The following GH2 variants were observed in gnomAD, a reference collection of about 807,000 sequenced individuals.
GH2 encodes the protein growth hormone 2.
GH2 carries 17 observed loss-of-function variants against 24.1 expected under a neutral mutation model. That is an observed-to-expected ratio of 0.71 (90% CI 0.48 to 1.06). The LOEUF (loss-of-function observed/expected upper bound fraction) is 1.06, where lower values mean the gene tolerates loss of function less well. GH2 is among the 50% of genes least tolerant of loss of function. The probability of loss-of-function intolerance (pLI) is 0.00; values close to 1 mark genes in which losing one functional copy is unlikely to be tolerated. For synonymous variants in GH2, 126 were observed against 118.7 expected (o/e 1.06, Z -0.40); for missense variants, 305 against 273.1 (o/e 1.12, Z -0.82).
chr17:63,881,619 T>C (rs1200172527), intron 1 of GH2, 100 bp from the exon 2 acceptor site: 2 of 1,601,032 alleles, frequency 1.2e-6, no homozygotes, highest in African/African-American at 1.3e-5. Context: ...TCTCTCTCTC[T>C]GCCTCCCTCC....
chr17:63,881,677 C>T lies in GH2; in HGVS notation c.10+115G>A, dbSNP rs552247493. Reference sequence around the variant, plus strand: ...TTGGCCAAATACTGGGCTTAGATGGCGATACTAACATTCATAAGCCCCAAA... The same window carrying T: ...TTGGCCAAATACTGGGCTTAGATGGTGATACTAACATTCATAAGCCCCAAA... On this transcript the variant is annotated intron_variant, in intron 1 of 4. Coordinates refer to ENST00000423893, the MANE Select transcript of GH2 (RefSeq NM_002059.5). The T allele has an allele frequency of 1.9e-4, 304 of 1,608,846 alleles. 2 individuals are homozygous for T. In the East Asian group the frequency reaches 4.1e-3, roughly 22 times the overall value.
chr17:63,881,273 C>T (rs546940695), intron 2 of GH2, 86 bp downstream of exon 2: 23 of 1,610,092 alleles, frequency 1.4e-5, no homozygotes, highest in Non-Finnish European at 1.9e-5. Flanking sequence ...ACCCTGAGCT[C>T]CTTAGTCTCC....
chr17:63,880,596 C>T (rs542714346), intron 4 of GH2, 78 bp from the exon 5 acceptor site: 17 of 1,613,916 alleles, frequency 1.1e-5, no homozygotes, highest in Admixed American at 1.7e-5. Flanking sequence ...CCATTTTCCT[C>T]CCTCCCCTCC....
In GH2 at chr17:63,880,672, T is replaced by C. The variant is rs759539644; in HGVS notation, c.456+100A>G. The C allele has an allele frequency of 3.7e-6, 6 of 1,613,880 alleles. No homozygotes were observed. In the Admixed American group the frequency reaches 1.0e-4, roughly 27 times the overall value. Reference sequence around the variant, plus strand: ...GAAGAATACGGTGAGTTCTCTTGGGTCAGCGCCTGACTGCTAAAAAGAGGG... The same window carrying C: ...GAAGAATACGGTGAGTTCTCTTGGGCCAGCGCCTGACTGCTAAAAAGAGGG... On this transcript the variant is annotated intron_variant, in intron 4 of 4. Transcript: ENST00000423893.
Position 63,881,884 on chromosome 17 carries a change from C to T in GH2, c.-83G>A. 1.2e-6 allele frequency: 2 copies of T among 1,613,328 alleles called. No homozygotes were observed. Among genetic ancestry groups the T allele is most frequent in the Non-Finnish European group, 1.7e-6 (2 of 1,179,576 alleles). On this transcript the variant is annotated 5_prime_UTR_variant, in exon 1 of 5. Transcript: ENST00000423893. ...ATCCTTGAGCTGGTCTCTTGTGGGCCCTTTTTATACCTGGCCCCTTCTCTC... is the reference window on the plus strand; with the variant it reads ...ATCCTTGAGCTGGTCTCTTGTGGGCTCTTTTTATACCTGGCCCCTTCTCTC...
chr17:63,880,250 G>A lies in GH2; in HGVS notation c.*71C>T. Reference sequence around the variant, plus strand: ...TAATTTTATTAGGACAAGGCTGGTGGGCACTGGAGTAGCACCTTCCACGAC... The same window carrying A: ...TAATTTTATTAGGACAAGGCTGGTGAGCACTGGAGTAGCACCTTCCACGAC... On this transcript the variant is annotated 3_prime_UTR_variant, in exon 5 of 5. Coordinates refer to ENST00000423893, the MANE Select transcript of GH2 (RefSeq NM_002059.5). The A allele has an allele frequency of 6.2e-7, 1 of 1,610,958 alleles. No individual in the cohort carries two copies. The highest frequency in any genetic ancestry group is 8.5e-7 in the Non-Finnish European group (1 of 1,177,624).
rs1336981211 is a variant in GH2, at chr17:63,880,339, C to T, written c.636G>A (p.Glu212=). ...FLRIVQCRSV[E]GSCGF ...CGGGCAGCTAGAAGCCACAGCTGCCCTCCACAGAGCGGCACTGCACGATGC... is the reference window on the plus strand; with the variant it reads ...CGGGCAGCTAGAAGCCACAGCTGCCTTCCACAGAGCGGCACTGCACGATGC... The change falls in exon 5 of 5, where the codon GAG becomes GAA. Residue 212 remains glutamate, a synonymous_variant. Coordinates refer to ENST00000423893, the MANE Select transcript of GH2 (RefSeq NM_002059.5). The T allele has an allele frequency of 4.3e-6, 7 of 1,613,864 alleles. No individual in the cohort carries two copies. Among genetic ancestry groups the T allele is most frequent in the Non-Finnish European group, 5.9e-6 (7 of 1,179,824 alleles).
intron 1 of GH2, 26 bp from the exon 2 acceptor site, chr17:63,881,545 A>G (rs1333854058): frequency 1.2e-6 from 2 of 1,612,982 alleles, no homozygotes; most frequent in Non-Finnish European, 1.7e-6. Flanking sequence ...AGGGCAACAG[A>G]GGGAGCTGGA....
Position 63,880,352 on chromosome 17 carries a change from C to T in GH2, c.623G>A (p.Cys208Tyr). 1 of 1,613,894 alleles carries T rather than the reference C, an allele frequency of 6.2e-7. No individual in the cohort carries two copies. The highest frequency in any genetic ancestry group is 1.1e-5 in the South Asian group (1 of 91,066). The change falls in exon 5 of 5, where the codon TGC (cysteine) becomes TAC (tyrosine). Residue 208 changes from cysteine (C) to tyrosine (Y), a missense_variant. Coordinates refer to ENST00000423893, the MANE Select transcript of GH2 (RefSeq NM_002059.5). ...GCCACAGCTGCCCTCCACAGAGCGG[C>T]ACTGCACGATGCGCAGGAATGTCTC... ...KVETFLRIVQ[C>Y]RSVEGSCGF
At position 63,881,395 on chromosome 17, in the gene GH2, G is replaced by A. The variant is rs754449344; in HGVS notation, c.135C>T (p.Arg45=). 25 of 1,613,922 alleles carry A rather than the reference G, an allele frequency of 1.5e-5. No individual in the cohort carries two copies. Among genetic ancestry groups the A allele is most frequent in the Non-Finnish European group, 1.9e-5 (23 of 1,179,962 alleles). ...LFDNAMLRAR[R]LYQLAYDTYQ... ...AGGTGTCATATGCCAGCTGGTACAG[G>A]CGACGGGCGCGGAGCATAGCGTTGT... The change falls in exon 2 of 5, where the codon CGC becomes CGT. Residue 45 remains arginine (R), a synonymous_variant. Transcript: ENST00000423893.
rs770307500 is a variant in GH2 at position 63,881,137 on chromosome 17, A to G, written c.183T>C (p.Tyr61=). The G allele has an allele frequency of 6.2e-7, 1 of 1,614,096 alleles. No individual in the cohort carries two copies. The highest frequency in any genetic ancestry group is 8.5e-7 in the Non-Finnish European group (1 of 1,179,948). The change falls in exon 3 of 5, where the codon TAT becomes TAC. Residue 61 remains tyrosine (Y), a synonymous_variant. Transcript: ENST00000423893. ...ATGAATACTTCTGCTCCTTCAGGAT[A>G]TAGGCTTCTTCCTAGGAGAAGGACC... The part of the protein sequence containing the change: ...YDTYQEFEEA[Y]ILKEQKYSFL...
chr17:63,880,610 T>A (rs545226470), intron 4 of GH2, 92 bp from the exon 5 acceptor site: 1 of 1,613,716 alleles, frequency 6.2e-7, no homozygotes, highest in Non-Finnish European at 8.5e-7. Context: ...CCCCTCCAGG[T>A]TGTAGAGAAA....
intron 4 of GH2, 104 bp from the exon 5 acceptor site, chr17:63,880,622 G>T (rs766997085): frequency 6.2e-6 from 10 of 1,613,872 alleles, no homozygotes; most frequent in Non-Finnish European, 8.5e-6. Flanking sequence ...GTAGAGAAAG[G>T]CCTGGAGGAT....
In GH2 at chr17:63,881,791, C is replaced by G. The variant is rs1473639664; in HGVS notation, c.10+1G>C. ...CCCAAAGGGATTTTAGGGGCGCTTA[C>G]CTGCAGCCATTGCCGCTAGGTGAGC... On this transcript the variant is annotated splice_donor_variant, in intron 1 of 4. Coordinates refer to ENST00000423893, the MANE Select transcript of GH2 (RefSeq NM_002059.5). LOFTEE classifies it high-confidence loss of function. 6.2e-7 allele frequency: 1 copy of G among 1,613,186 alleles called. No individual in the cohort carries two copies. Among genetic ancestry groups the G allele is most frequent in the Non-Finnish European group, 8.5e-7 (1 of 1,179,788 alleles).
At chr17:63,881,704 C>T in intron 1 of GH2, 88 bp downstream of exon 1, 1 of 1,611,504 alleles carries the variant, frequency 6.2e-7, no homozygotes. Context: ...AGCCCCAAAC[C>T]TGAGGGTTAG....
At position 63,881,125 on chromosome 17, in the gene GH2, C is replaced by G. The variant is rs202142506; in HGVS notation, c.195G>C (p.Glu65Asp). The G allele has an allele frequency of 3.7e-6, 6 of 1,613,962 alleles. No individual in the cohort carries two copies. The African/African-American group carries it at 5.3e-5, about 14-fold the overall frequency. ...QEFEEAYILK[E>D]QKYSFLQNPQ... ...GGTTCTGCAGGAATGAATACTTCTG[C>G]TCCTTCAGGATATAGGCTTCTTCCT... Residue 65 changes from glutamate (E) to aspartate (D), a missense_variant, in exon 3 of 5, where the codon GAG becomes GAC. By Grantham distance (45) the Glu-to-Asp change is conservative (BLOSUM62 2). Coordinates refer to ENST00000423893, the MANE Select transcript of GH2 (RefSeq NM_002059.5).
rs202187563 is a variant in GH2 at position 63,881,195 on chromosome 17, C to G, written c.172-47G>C. 119 of 1,613,992 alleles carry G rather than the reference C, an allele frequency of 7.4e-5. No individual in the cohort carries two copies. In the East Asian group the frequency reaches 2.6e-3, roughly 35 times the overall value. ...AAGGTCTATGCTGGAGACCAGCTCCCATTGTTACTTTTCTGGGAACCTCAC... is the reference window on the plus strand; with the variant it reads ...AAGGTCTATGCTGGAGACCAGCTCCGATTGTTACTTTTCTGGGAACCTCAC... On this transcript the variant is annotated intron_variant, in intron 2 of 4. Coordinates refer to ENST00000423893, the MANE Select transcript of GH2 (RefSeq NM_002059.5).
At chr17:63,881,170 A>G in intron 2 of GH2, 22 bp from the exon 3 acceptor site, 1 of 1,614,004 alleles carries the variant, frequency 6.2e-7, no homozygotes, top group Non-Finnish European at 8.5e-7. Context: ...ACCGCCCACC[A>G]AGGTCTATGC....
rs769823425 is a variant in GH2, at chr17:63,881,071, A to G, written c.249T>C (p.Ser83=). 2 of 1,613,956 alleles carry G rather than the reference A, an allele frequency of 1.2e-6. No individual in the cohort carries two copies. The highest frequency in any genetic ancestry group is 2.7e-5 in the African/African-American group (2 of 74,920). Residue 83 remains serine (S), a synonymous_variant, in exon 3 of 5, where the codon TCT becomes TCC. Coordinates refer to ENST00000423893, the MANE Select transcript of GH2 (RefSeq NM_002059.5). ...TCACCCTGTTGGAAGGTGTTGGAAT[A>G]GACTCTGAGAAGCAGAGGGAGGTCT... is the stretch of plus-strand genomic sequence containing the variant. The part of the protein sequence containing the change: ...NPQTSLCFSE[S]IPTPSNRVKT...
Sources: allele counts gnomAD v4.1 joint callset, GRCh38; gene constraint gnomAD v4.1.1; transcripts MANE v1.5; gene names NCBI Gene and HGNC (gene_info 2026-07-23, HGNC 2026-07-21).